TPMT: variants seen among roughly 807,000 people sequenced by gnomAD.
TPMT encodes thiopurine S-methyltransferase.
In TPMT, 18 loss-of-function variants were observed where a neutral mutation model predicts 34.2. That is an observed-to-expected ratio of 0.53 (90% CI 0.36 to 0.78). The LOEUF (loss-of-function observed/expected upper bound fraction) is 0.78, where lower values mean the gene tolerates loss of function less well. TPMT is among the 30% of genes least tolerant of loss of function. The probability of loss-of-function intolerance (pLI) is 0.00; values close to 1 mark genes in which losing one functional copy is unlikely to be tolerated. For missense variants in TPMT, 265 were observed against 288.1 expected, an observed-to-expected ratio of 0.92 and a Z score of 0.58; for synonymous variants, 69 against 92.4, an observed-to-expected ratio of 0.75 and a Z score of 1.45.
intron 4 of TPMT, among the ~76,000 whole-genome samples, chr6:18,142,159 C>G (rs144187600): frequency 6.6e-6 from 1 of 152,062 alleles, no homozygotes; most frequent in Non-Finnish European, 1.5e-5. Context: ...TCTCGGAAGT[C>G]CCCTCTCTCT....
rs1424192851 is a variant in TPMT at position 18,149,490 on chromosome 6, A to G, written c.-44-319T>C. 6.7e-6 allele frequency among the ~76,000 whole-genome samples: 1 copy of G among 149,660 alleles called. No individual in the cohort carries two copies. ...TTCCTTGTTTTTTTTTTTTTCAGAG[A>G]CAAGGTCTTGCTCTGTCACCCAGGC... On this transcript the variant is annotated intron_variant, in intron 1 of 8. Transcript: ENST00000309983. This position sits in a 1 kb window ranked among gnomAD's most constrained non-coding sequence, Gnocchi z 5.0.
intron 4 of TPMT, among the ~76,000 whole-genome samples, chr6:18,141,633 C>T (rs1470551623): frequency 5.9e-5 from 9 of 152,222 alleles, no homozygotes; most frequent in Non-Finnish European, 8.8e-5. Flanking sequence ...AGCCACCATG[C>T]CCAGCTGAGC....
In TPMT at chr6:18,145,561, C is replaced by T. The variant is rs1784233624; in HGVS notation, c.234-1833G>A. 6.6e-6 allele frequency among the ~76,000 whole-genome samples: 1 copy of T among 152,216 alleles called. No homozygotes were observed. Among genetic ancestry groups the T allele is most frequent in the Non-Finnish European group, 1.5e-5 (1 of 68,044 alleles). Reference sequence around the variant, plus strand: ...TTTGAAACAAGTATAGCAGGACTGACTGTACCTTTTATCTACAAAAGAGTA... The same window carrying T: ...TTTGAAACAAGTATAGCAGGACTGATTGTACCTTTTATCTACAAAAGAGTA... On this transcript the variant is annotated intron_variant, in intron 3 of 8. Coordinates refer to ENST00000309983, the MANE Select transcript of TPMT (RefSeq NM_000367.5). The surrounding 1 kb of genome is among the most constrained non-coding windows in gnomAD (Gnocchi z 5.6).
Position 18,147,863 on chromosome 6 carries a change from C to G in TPMT, c.193G>C (p.Val65Leu), listed in dbSNP as rs781428057. The G allele has an allele frequency of 1.9e-6, 3 of 1,613,748 alleles. No homozygotes were observed. The highest frequency in any genetic ancestry group is 2.2e-5 in the South Asian group (2 of 91,080). Residue 65 changes from valine (V) to leucine (L), a missense_variant, in exon 3 of 9, where the codon GTA (valine) becomes CTA (leucine). Physicochemically the swap from Val to Leu is conservative, Grantham distance 32. Transcript: ENST00000309983. ...GCTTTTCCGCAAAGAGGAAAAAATA[C>G]CCTCAGTCCACTCTTGCCTTTAAGG... ...TFLKGKSGLR[V>L]FFPLCGKAVE...
At position 18,138,455 on chromosome 6, in the gene TPMT, G is replaced by A. The variant is rs1193076271; in HGVS notation, c.494+508C>T. ...ATAATTTTAAAAATATTTTGTAGAG[G>A]TGGCGTCTTGCTTTGTTGCCCAGAC... On this transcript the variant is annotated intron_variant, in intron 6 of 8. Coordinates refer to ENST00000309983, the MANE Select transcript of TPMT (RefSeq NM_000367.5). This position sits in a 1 kb window ranked among gnomAD's most constrained non-coding sequence, Gnocchi z 4.1. Among the ~76,000 whole-genome samples the A allele has an allele frequency of 6.6e-6, 1 of 151,822 alleles. No individual in the cohort carries two copies. Among genetic ancestry groups the A allele is most frequent in the Non-Finnish European group, 1.5e-5 (1 of 67,956 alleles).
In TPMT at chr6:18,148,033, A is replaced by C; in HGVS notation, c.141-118T>G. 1.3e-6 allele frequency: 1 copy of C among 786,692 alleles called. No individual in the cohort carries two copies. The highest frequency in any genetic ancestry group is 1.6e-5 in the South Asian group (1 of 63,594). The allele number at this position is 786,692 out of a possible 1,614,324, so 48.7% of individuals were successfully genotyped here. A position where few individuals can be genotyped will look rare whatever the true frequency, so the allele number is the denominator to read the frequency against. Reference sequence around the variant, plus strand: ...ATAAGCAGTTACTATTAATTATTATAATCTCCAGCTTACATATGAAGAAAC... The same window carrying C: ...ATAAGCAGTTACTATTAATTATTATCATCTCCAGCTTACATATGAAGAAAC... On this transcript the variant is annotated intron_variant, in intron 2 of 8. Coordinates refer to ENST00000309983, the MANE Select transcript of TPMT (RefSeq NM_000367.5). This position sits in a 1 kb window ranked among gnomAD's most constrained non-coding sequence, Gnocchi z 4.1.
intron 6 of TPMT, among the ~76,000 whole-genome samples, chr6:18,134,113 C>T (rs939913675): frequency 1.5e-4 from 23 of 152,308 alleles, no homozygotes; most frequent in African/African-American, 5.3e-4. Context: ...GGAATCAAAT[C>T]GAGGCCTGCT....
rs1021449588 is a variant in TPMT, at chr6:18,129,205, C to T, written c.*1463G>A. The stretch of plus-strand genomic sequence containing the variant: ...TGAAGCCCACAGTATCGACTGGGAG[C>T]AGGTCTCAGAGAAGCAAGAATCACT... On this transcript the variant is annotated 3_prime_UTR_variant, in exon 9 of 9. Transcript: ENST00000309983. 1 of 152,172 alleles carries T rather than the reference C, an allele frequency of 6.6e-6. No homozygotes were observed. The highest frequency in any genetic ancestry group is 1.5e-5 in the Non-Finnish European group (1 of 68,052). 9.4% of individuals were successfully genotyped at this position (152,172 alleles called of 1,614,324 possible).
chr6:18,143,885 T>G lies in TPMT; in HGVS notation c.234-157A>C, dbSNP rs1424494845. Among the ~76,000 whole-genome samples, 1 of 152,234 alleles carries G rather than the reference T, an allele frequency of 6.6e-6. No individual in the cohort carries two copies. The highest frequency in any genetic ancestry group is 1.5e-5 in the Non-Finnish European group (1 of 68,040). Reference sequence around the variant, plus strand: ...AACATGCAGGAAAGCAGATCTATATTATTTTCAAACCTTATAAAAATTCTG... The same window carrying G: ...AACATGCAGGAAAGCAGATCTATATGATTTTCAAACCTTATAAAAATTCTG... On this transcript the variant is annotated intron_variant, in intron 3 of 8. Transcript: ENST00000309983. This position sits in a 1 kb window ranked among gnomAD's most constrained non-coding sequence, Gnocchi z 6.1.
intron 7 of TPMT, among the ~76,000 whole-genome samples, chr6:18,133,029 G>A (rs1050566030): frequency 1.3e-5 from 2 of 152,226 alleles, no homozygotes; most frequent in Admixed American, 6.5e-5. Flanking sequence ...GAAGGCGGAC[G>A]TTGCAGTGAG....
Position 18,148,885 on chromosome 6 carries a change from G to A in TPMT, c.140+103C>T, listed in dbSNP as rs531775781. The stretch of plus-strand genomic sequence containing the variant: ...GACACAAAAATGTGAAGAATTAAAT[G>A]TGCATCCTAAAAGTTAGTCAAATAA... On this transcript the variant is annotated intron_variant, in intron 2 of 8. Transcript: ENST00000309983. The surrounding 1 kb of genome is among the most constrained non-coding windows in gnomAD (Gnocchi z 4.1). 2.6e-6 allele frequency: 4 copies of A among 1,536,310 alleles called. No homozygotes were observed. The highest frequency in any genetic ancestry group is 2.7e-6 in the Non-Finnish European group (3 of 1,115,974).
At position 18,140,818 on chromosome 6, in the gene TPMT, G is replaced by A. The variant is rs1477285681; in HGVS notation, c.367-1101C>T. On this transcript the variant is annotated intron_variant, in intron 4 of 8. Coordinates refer to ENST00000309983, the MANE Select transcript of TPMT (RefSeq NM_000367.5). This position sits in a 1 kb window ranked among gnomAD's most constrained non-coding sequence, Gnocchi z 4.7. ...TGGACTGGGGGCACACTCCAAGAGG[G>A]GGCAATATAACATAGACTTTAGGAT... Among the ~76,000 whole-genome samples, 1 of 152,204 alleles carries A rather than the reference G, an allele frequency of 6.6e-6. No homozygotes were observed. The highest frequency in any genetic ancestry group is 1.5e-5 in the Non-Finnish European group (1 of 68,040).
At chr6:18,152,008 T>C (rs1403553186) in intron 1 of TPMT, among the ~76,000 whole-genome samples, 3 of 152,170 alleles carry the variant, frequency 2.0e-5, no homozygotes, top group Non-Finnish European at 4.4e-5. Flanking sequence ...TTCCAGAGAA[T>C]AAATCCCCAA....
Position 18,133,857 on chromosome 6 carries a change from T to C in TPMT, c.527A>G (p.Lys176Arg). The C allele has an allele frequency of 2.5e-6, 4 of 1,613,756 alleles. No individual in the cohort carries two copies. Among genetic ancestry groups the C allele is most frequent in the Non-Finnish European group, 2.5e-6 (3 of 1,179,892 alleles). The change falls in exon 7 of 9, where the codon AAG becomes AGG. Residue 176 changes from lysine (K) to arginine (R), a missense_variant. Coordinates refer to ENST00000309983, the MANE Select transcript of TPMT (RefSeq NM_000367.5). Reference protein sequence around the residue: ...YADTMFSLLGKKFQYLLCVLS... With the variant: ...YADTMFSLLGRKFQYLLCVLS... The stretch of plus-strand genomic sequence containing the variant: ...AACACACAGGAGATACTGAAACTTC[T>C]TTCCCAGGAGGGAAAACATTGTATC...
chr6:18,129,210 C>G lies in TPMT; in HGVS notation c.*1458G>C, dbSNP rs2150706342. ...CCCACAGTATCGACTGGGAGCAGGT[C>G]TCAGAGAAGCAAGAATCACTGTGAG... On this transcript the variant is annotated 3_prime_UTR_variant, in exon 9 of 9. Transcript: ENST00000309983. The G allele has an allele frequency of 6.6e-6, 1 of 152,252 alleles. No individual in the cohort carries two copies. The highest frequency in any genetic ancestry group is 2.1e-4 in the South Asian group (1 of 4,826). 9.4% of individuals were successfully genotyped at this position (152,252 alleles called of 1,614,324 possible). A position where few individuals can be genotyped will look rare whatever the true frequency, so the allele number is the denominator to read the frequency against.
At chr6:18,147,699 T>C in intron 3 of TPMT, 124 bp downstream of exon 3, 1 of 866,520 alleles carries the variant, frequency 1.2e-6, no homozygotes, top group Admixed American at 2.1e-5. Flanking sequence ...CCATCACTAA[T>C]AGAAAAATAA....
At chr6:18,144,153 CATTGGTTCCTCGTG>C (rs1166227326) in intron 3 of TPMT, among the ~76,000 whole-genome samples, 3 of 152,172 alleles carry the variant, frequency 2.0e-5, no homozygotes, top group African/African-American at 4.8e-5. Context: ...GCATTAGCCA[CATTGGTTCCTCGTG>C]ATTGAGGAAC....
Position 18,138,032 on chromosome 6 carries a change from G to C in TPMT, c.494+931C>G, listed in dbSNP as rs559325797. Among the ~76,000 whole-genome samples the C allele has an allele frequency of 6.6e-6, 1 of 152,044 alleles. No individual in the cohort carries two copies. Among genetic ancestry groups the C allele is most frequent in the South Asian group, 2.1e-4 (1 of 4,806 alleles). ...TGACCTCAGGCGATCCGCCCACCTT[G>C]GCCTCCCAAAGTGCTAGGATTACAG... On this transcript the variant is annotated intron_variant, in intron 6 of 8. Transcript: ENST00000309983. This position sits in a 1 kb window ranked among gnomAD's most constrained non-coding sequence, Gnocchi z 4.1.
rs1784021401 is a variant in TPMT at position 18,135,179 on chromosome 6, G to A, written c.495-1290C>T. 1.3e-5 allele frequency among the ~76,000 whole-genome samples: 2 copies of A among 152,222 alleles called. No individual in the cohort carries two copies. The highest frequency in any genetic ancestry group is 2.9e-5 in the Non-Finnish European group (2 of 68,040). ...ATTCACCAGTGGATCACTCTTCCTTGTAGGTGAAAGAACCACATCAAAGCA... is the reference window on the plus strand; with the variant it reads ...ATTCACCAGTGGATCACTCTTCCTTATAGGTGAAAGAACCACATCAAAGCA... On this transcript the variant is annotated intron_variant, in intron 6 of 8. Coordinates refer to ENST00000309983, the MANE Select transcript of TPMT (RefSeq NM_000367.5). This position sits in a 1 kb window ranked among gnomAD's most constrained non-coding sequence, Gnocchi z 5.0.
Sources: gnomAD v4.1 joint callset for allele counts (sites outside exome capture counted in the v4.1 genomes callset) on GRCh38, gnomAD v4.1.1 for gene constraint, Gnocchi (gnomAD v3.1) non-coding constraint, MANE v1.5 for transcripts, NCBI Gene and HGNC (gene_info 2026-07-23, HGNC 2026-07-21) for gene names.